The following ITIH5 variants were observed in gnomAD, a reference collection of about 807,000 sequenced individuals.
ITIH5 encodes the protein inter-alpha-trypsin inhibitor heavy chain 5, also known as inter-alpha-trypsin inhibitor heavy chain H5.
Under a neutral mutation model 77.5 loss-of-function variants are expected in ITIH5, and 65 were observed. The ratio of observed to expected loss-of-function variants is 0.84; its 90% CI spans 0.69 to 1.03. ITIH5 has a LOEUF of 1.03. Ranked by LOEUF, ITIH5 falls within the 50% of genes least tolerant of loss-of-function variation. The probability of loss-of-function intolerance (pLI) is 0.00; values close to 1 mark genes in which losing one functional copy is unlikely to be tolerated. For synonymous variants in ITIH5, 525 were observed against 494.3 expected (o/e 1.06, Z -0.82); for missense variants, 1,208 against 1,213.1 (o/e 1.00, Z 0.06).
At chr10:7,581,192 G>T (rs372515731) in intron 8 of ITIH5, among the ~76,000 whole-genome samples, 1 of 152,150 alleles carries the variant, frequency 6.6e-6, no homozygotes, top group Non-Finnish European at 1.5e-5. Context: ...CCCAGAAGAC[G>T]GAAGTTGCAG....
chr10:7,613,245 CAAAAAAAAAAAAAA>C (rs58021308), intron 7 of ITIH5, among the ~76,000 whole-genome samples: 124,502 of 145,020 alleles, frequency 0.86, 53,413 homozygotes, highest in East Asian at 0.98. Flanking sequence ...GACTTCGTCT[CAAAAAAAAAAAAAA>C]AAAAAAAAAA....
chr10:7,622,987 C>G (rs972039022), intron 5 of ITIH5, among the ~76,000 whole-genome samples: 1 of 152,166 alleles, frequency 6.6e-6, no homozygotes, highest in Non-Finnish European at 1.5e-5. Context: ...AAACATATGT[C>G]CTTAGTGATG....
chr10:7,621,367 T>C (rs1833471802), intron 5 of ITIH5: 1 of 152,346 alleles, frequency 6.6e-6, no homozygotes, highest in African/African-American at 2.4e-5. Flanking sequence ...TCTCTGTCCA[T>C]CATTCACTCG....
rs554787814 is a variant in ITIH5 at position 7,590,496 on chromosome 10, G to A, written c.940-4427C>T. ...TTCAGAAACATCCCCGGCTGTGTGC[G>A]TGTGCACGTGTGATTTTAAAGGAAG... On this transcript the variant is annotated intron_variant, in intron 7 of 13. Transcript: ENST00000397146. Among the ~76,000 whole-genome samples, 8 of 152,322 alleles carry A rather than the reference G, an allele frequency of 5.3e-5. No homozygotes were observed. In the South Asian group the frequency reaches 6.2e-4, roughly 12 times the overall value.
intron 7 of ITIH5, among the ~76,000 whole-genome samples, chr10:7,594,301 C>A (rs1832852481): frequency 6.6e-6 from 1 of 152,130 alleles, no homozygotes; most frequent in African/African-American, 2.4e-5. Context: ...AGCTGGTCAC[C>A]ACTTACCCTC....
At chr10:7,573,917 G>A (rs570791240) in intron 10 of ITIH5, among the ~76,000 whole-genome samples, 1 of 152,270 alleles carries the variant, frequency 6.6e-6, no homozygotes, top group East Asian at 1.9e-4. Context: ...AAAAGTTCTA[G>A]AGATCTGTTT....
chr10:7,580,129 T>C, intron 8 of ITIH5, 65 bp from the exon 9 acceptor site: 1 of 1,381,870 alleles, frequency 7.2e-7, no homozygotes, highest in Non-Finnish European at 9.8e-7. Flanking sequence ...GATTGCACTT[T>C]CTTTTTTTTG....
intron 5 of ITIH5, among the ~76,000 whole-genome samples, chr10:7,634,892 C>T (rs770542442): frequency 1.3e-5 from 2 of 152,022 alleles, no homozygotes; most frequent in African/African-American, 2.4e-5. Context: ...AATTTTCTTC[C>T]GAGGTACTGT....
chr10:7,613,785 T>G (rs1833306318), intron 7 of ITIH5, among the ~76,000 whole-genome samples: 1 of 152,176 alleles, frequency 6.6e-6, no homozygotes, highest in Non-Finnish European at 1.5e-5. Flanking sequence ...AGGCCGCACA[T>G]CCCCTCTGTA....
intron 1 of ITIH5, among the ~76,000 whole-genome samples, chr10:7,659,993 A>T (rs1426138177): frequency 3.9e-5 from 6 of 152,214 alleles, no homozygotes; most frequent in Admixed American, 3.3e-4. Context: ...CAAAACTACC[A>T]TAAATAGCCA....
chr10:7,637,544 C>A, intron 4 of ITIH5, 66 bp from the exon 5 acceptor site: 1 of 1,517,802 alleles, frequency 6.6e-7, no homozygotes, highest in East Asian at 2.3e-5. Flanking sequence ...TTCCCTCAGT[C>A]CCCACAGGGC....
Position 7,586,263 on chromosome 10 carries a change from T to C in ITIH5, c.940-194A>G, listed in dbSNP as rs943609527. On this transcript the variant is annotated intron_variant, in intron 7 of 13. Transcript: ENST00000397146. The stretch of plus-strand genomic sequence containing the variant: ...AAAAATGGTATAAAGATGTTACGGT[T>C]GTAGACACGAGTGAATCAGTGCTGA... Among the ~76,000 whole-genome samples, 9 of 152,314 alleles carry C rather than the reference T, an allele frequency of 5.9e-5. No homozygotes were observed. The South Asian group carries it at 1.5e-3, about 25-fold the overall frequency.
chr10:7,635,107 C>T (rs548729317), intron 5 of ITIH5, among the ~76,000 whole-genome samples: 1 of 152,054 alleles, frequency 6.6e-6, no homozygotes, highest in African/African-American at 2.4e-5. Context: ...TTCTGTAGTT[C>T]GAAGACACTC....
intron 8 of ITIH5, among the ~76,000 whole-genome samples, chr10:7,582,063 A>G (rs932759983): frequency 1.3e-5 from 2 of 151,400 alleles, no homozygotes; most frequent in Non-Finnish European, 2.9e-5. Flanking sequence ...TTTTTAGTAG[A>G]GACGGGTTTC....
At chr10:7,611,301 CTT>C (rs1833239583) in intron 7 of ITIH5, among the ~76,000 whole-genome samples, 1 of 152,242 alleles carries the variant, frequency 6.6e-6, no homozygotes, top group South Asian at 2.1e-4. Context: ...ACATAATACT[CTT>C]AGCTATTTTG....
intron 2 of ITIH5, among the ~76,000 whole-genome samples, chr10:7,653,929 C>T (rs568104867): frequency 7.2e-5 from 11 of 152,254 alleles, no homozygotes; most frequent in Admixed American, 2.0e-4. Context: ...CCGAGGTGGG[C>T]GGATCACCTG....
At chr10:7,661,599 T>C (rs2131116987) in intron 1 of ITIH5, among the ~76,000 whole-genome samples, 1 of 152,340 alleles carries the variant, frequency 6.6e-6, no homozygotes, top group East Asian at 1.9e-4. Flanking sequence ...GCAAGTTTGT[T>C]TAGCTATTAA....
At chr10:7,662,661 G>C (rs1834295418) in intron 1 of ITIH5, among the ~76,000 whole-genome samples, 1 of 152,208 alleles carries the variant, frequency 6.6e-6, no homozygotes, top group South Asian at 2.1e-4. Flanking sequence ...TCATCACCCA[G>C]TTCTCAGGAC....
intron 5 of ITIH5, among the ~76,000 whole-genome samples, chr10:7,629,921 C>G (rs116965613): frequency 1.4e-3 from 211 of 152,302 alleles, no homozygotes; most frequent in Admixed American, 0.011. Flanking sequence ...GAATTCCAGA[C>G]AACCCACTCT....
Sources: allele counts gnomAD v4.1 joint callset (sites outside exome capture counted in the v4.1 genomes callset), GRCh38; gene constraint gnomAD v4.1.1; transcripts MANE v1.5; gene names NCBI Gene and HGNC (gene_info 2026-07-23, HGNC 2026-07-21).